PBX1: variants seen among roughly 807,000 people sequenced by gnomAD.
PBX1 encodes pre-B-cell leukemia transcription factor 1.
PBX1 carries 6 observed loss-of-function variants against 53.4 expected under a neutral mutation model. The ratio of observed to expected loss-of-function variants is 0.11; its 90% CI spans 0.06 to 0.22. The LOEUF (loss-of-function observed/expected upper bound fraction) is 0.22. PBX1 is among the 10% of genes least tolerant of loss of function. PBX1 has a pLI of 1.00. For missense variants in PBX1, 251 were observed against 551.4 expected (o/e 0.46, Z 5.46); for synonymous variants, 204 against 212.3 (o/e 0.96, Z 0.34).
At chr1:164,880,202 A>C (rs1200773813) in intron 2 of PBX1, among the ~76,000 whole-genome samples, 1 of 152,210 alleles carries the variant, frequency 6.6e-6, no homozygotes, top group Non-Finnish European at 1.5e-5. Context: ...GTCAACAAGC[A>C]CATGTTGGGC....
Position 164,849,234 on chromosome 1 carries a change from C to T in PBX1, c.*2558C>T, listed in dbSNP as rs1259340016. 3.3e-6 allele frequency: 5 copies of T among 1,505,674 alleles called. No individual in the cohort carries two copies. Among genetic ancestry groups the T allele is most frequent in the Non-Finnish European group, 4.4e-6 (5 of 1,129,532 alleles). The allele number at this position is 1,505,674 out of a possible 1,614,324, so 93.3% of individuals were successfully genotyped here. A position where few individuals can be genotyped will look rare whatever the true frequency, so the allele number is the denominator to read the frequency against. On this transcript the variant is annotated 3_prime_UTR_variant, in exon 9 of 9. Transcript: ENST00000420696. ...GTTAATGCAAAAGATCAGAACAGGG[C>T]TACATTTGCACAGGCAGTTTCTCTC...
At chr1:164,584,997 A>G (rs924113158) in intron 2 of PBX1, among the ~76,000 whole-genome samples, 2 of 152,240 alleles carry the variant, frequency 1.3e-5, no homozygotes, top group Non-Finnish European at 2.9e-5. Flanking sequence ...GGACTCTTCC[A>G]TCTACTACTA....
intron 4 of PBX1, among the ~76,000 whole-genome samples, chr1:164,802,132 G>A (rs773622061): frequency 3.9e-5 from 6 of 152,246 alleles, no homozygotes; most frequent in Non-Finnish European, 5.9e-5. Context: ...TCTAATAGGT[G>A]TGTAGAATTG....
intron 4 of PBX1, among the ~76,000 whole-genome samples, chr1:164,802,886 TAAAAG>T (rs1290166383): frequency 6.6e-6 from 1 of 152,096 alleles, no homozygotes; most frequent in Non-Finnish European, 1.5e-5. Flanking sequence ...TTTTTTTAGT[TAAAAG>T]AGGGAGAGAA....
chr1:164,707,659 TGGGAAAA>T (rs1189691889), intron 2 of PBX1, among the ~76,000 whole-genome samples: 1 of 151,894 alleles, frequency 6.6e-6, no homozygotes, highest in African/African-American at 2.4e-5. Flanking sequence ...ACACCCTTTT[TGGGAAAA>T]GGGAAAAGAA....
intron 8 of PBX1, among the ~76,000 whole-genome samples, chr1:164,836,299 G>A (rs1388236474): frequency 6.6e-6 from 1 of 152,112 alleles, no homozygotes; most frequent in East Asian, 1.9e-4. Flanking sequence ...CACACATAAA[G>A]AAAGGCCAAA....
At chr1:164,808,321 C>G (rs2102337922) in intron 5 of PBX1, among the ~76,000 whole-genome samples, 1 of 152,206 alleles carries the variant, frequency 6.6e-6, no homozygotes, top group Admixed American at 6.5e-5. Context: ...GAGTTTTCAA[C>G]ACGAATATGA....
At chr1:164,614,666 T>C (rs1055636826) in intron 2 of PBX1, among the ~76,000 whole-genome samples, 3 of 152,224 alleles carry the variant, frequency 2.0e-5, no homozygotes, top group Admixed American at 6.5e-5. Flanking sequence ...CCCACACATT[T>C]TGCAGATCTA....
At chr1:164,856,781 C>T (rs925069374), downstream of PBX1, among the ~76,000 whole-genome samples, 20 of 152,310 alleles carry the variant, frequency 1.3e-4, no homozygotes, top group Non-Finnish European at 2.2e-4. Flanking sequence ...AATGTGTCCA[C>T]CTTTTCTGTT....
At chr1:164,566,992 T>C (rs975910998) in intron 2 of PBX1, among the ~76,000 whole-genome samples, 1 of 152,194 alleles carries the variant, frequency 6.6e-6, no homozygotes, top group Non-Finnish European at 1.5e-5. Context: ...CTGTGTTCAA[T>C]TAACACCCCC....
At chr1:164,598,777 A>C (rs181144131) in intron 2 of PBX1, among the ~76,000 whole-genome samples, 3 of 152,324 alleles carry the variant, frequency 2.0e-5, no homozygotes, top group African/African-American at 7.2e-5. Context: ...TTACACCTGA[A>C]ATAGCTTGAC....
intron 2 of PBX1, among the ~76,000 whole-genome samples, chr1:164,718,580 T>C (rs971890562): frequency 6.6e-6 from 1 of 152,062 alleles, no homozygotes; most frequent in Non-Finnish European, 1.5e-5. Flanking sequence ...ATCACATGAG[T>C]TTTCACCTGG....
intron 2 of PBX1, among the ~76,000 whole-genome samples, chr1:164,592,249 G>C (rs965349347): frequency 6.6e-6 from 1 of 152,212 alleles, no homozygotes; most frequent in Non-Finnish European, 1.5e-5. Context: ...TTGAGTGTGA[G>C]AGTCTGGATG....
intron 2 of PBX1, among the ~76,000 whole-genome samples, chr1:164,642,429 A>G (rs1236433447): frequency 6.6e-6 from 1 of 152,208 alleles, no homozygotes. Flanking sequence ...GCATCTCTCC[A>G]TTTTCATATG....
chr1:164,847,880 T>A lies in PBX1; in HGVS notation c.*1204T>A, dbSNP rs542999210. 1.1e-4 allele frequency: 113 copies of A among 1,055,152 alleles called. No homozygotes were observed. The African/African-American group carries it at 1.8e-3, about 17-fold the overall frequency. The allele number at this position is 1,055,152 out of a possible 1,614,324, so 65.4% of individuals were successfully genotyped here. On this transcript the variant is annotated 3_prime_UTR_variant, in exon 9 of 9. Transcript: ENST00000420696. Reference sequence around the variant, plus strand: ...ATCATGAGGAAGACCAGGTTTCCAGTGTAAACTACTCTTGTTCCCACCACC... The same window carrying A: ...ATCATGAGGAAGACCAGGTTTCCAGAGTAAACTACTCTTGTTCCCACCACC...
chr1:164,648,067 G>T (rs1045617129), intron 2 of PBX1, among the ~76,000 whole-genome samples: 5 of 151,940 alleles, frequency 3.3e-5, no homozygotes, highest in African/African-American at 1.2e-4. Context: ...TGCCCATCTC[G>T]GTCTCCCAAA....
At chr1:164,801,258 C>CTGT (rs1669054354) in intron 4 of PBX1, among the ~76,000 whole-genome samples, 1 of 152,046 alleles carries the variant, frequency 6.6e-6, no homozygotes, top group South Asian at 2.1e-4. Flanking sequence ...TGTGCCTCTC[C>CTGT]CTCACCCGTG....
chr1:164,824,973 C>T (rs748101308), intron 8 of PBX1, among the ~76,000 whole-genome samples: 2 of 152,152 alleles, frequency 1.3e-5, no homozygotes, highest in African/African-American at 2.4e-5. Context: ...TTTTGTCATT[C>T]GTTGCTCAGA....
intron 2 of PBX1, among the ~76,000 whole-genome samples, chr1:164,708,745 G>C (rs1663590299): frequency 6.6e-6 from 1 of 152,212 alleles, no homozygotes; most frequent in African/African-American, 2.4e-5. Flanking sequence ...ATATGGCACA[G>C]GTACTGTGAT....
Sources: allele counts gnomAD v4.1 joint callset (sites outside exome capture counted in the v4.1 genomes callset), GRCh38; gene constraint gnomAD v4.1.1; transcripts MANE v1.5; gene names NCBI Gene and HGNC (gene_info 2026-07-23, HGNC 2026-07-21).